The following SMC5 variants were observed in gnomAD, a reference collection of about 807,000 sequenced individuals.
SMC5 encodes structural maintenance of chromosomes protein 5.
Under a neutral mutation model 148.3 loss-of-function variants are expected in SMC5, and 88 were observed. The observed-to-expected ratio is 0.59, with a 90% CI of 0.50 to 0.71. The LOEUF is 0.71. Among genes scored for constraint, SMC5 ranks in the 30% least tolerant of loss-of-function variants. The pLI is 0.00. For missense variants in SMC5, 1,142 were observed against 1,298.9 expected (o/e 0.88, Z 1.86); for synonymous variants, 421 against 432.8 (o/e 0.97, Z 0.34).
At chr9:70,262,579 G>A (rs1390976407) in intron 1 of SMC5, among the ~76,000 whole-genome samples, 1 of 152,206 alleles carries the variant, frequency 6.6e-6, no homozygotes, top group Non-Finnish European at 1.5e-5. Flanking sequence ...GGTTTTGGAT[G>A]GGAAAGATGG....
At chr9:70,277,542 G>A (rs1384167208) in intron 4 of SMC5, 70 bp downstream of exon 4, 4 of 1,292,154 alleles carry the variant, frequency 3.1e-6, no homozygotes, top group Non-Finnish European at 4.2e-6. Flanking sequence ...CCGTTGAAGG[G>A]ATATCATAAT....
chr9:70,322,399 A>G (rs1197657044), intron 15 of SMC5, among the ~76,000 whole-genome samples: 1 of 152,154 alleles, frequency 6.6e-6, no homozygotes, highest in African/African-American at 2.4e-5. Context: ...CTAGCCTACT[A>G]TCTCCTACTT....
At chr9:70,314,037 G>A (rs2035729811) in intron 11 of SMC5, among the ~76,000 whole-genome samples, 1 of 152,112 alleles carries the variant, frequency 6.6e-6, no homozygotes. Context: ...GAATTTTCCT[G>A]TGCACTCATA....
chr9:70,299,097 G>A (rs188444081), intron 9 of SMC5, among the ~76,000 whole-genome samples: 2 of 151,510 alleles, frequency 1.3e-5, no homozygotes, highest in East Asian at 1.9e-4. Flanking sequence ...GTACTCCCTC[G>A]CACCCTTGCT....
At chr9:70,264,518 C>A (rs1280616722) in intron 2 of SMC5, 73 bp downstream of exon 2, 3 of 1,501,226 alleles carry the variant, frequency 2.0e-6, no homozygotes, top group African/African-American at 2.8e-5. Context: ...ATTTCTACAC[C>A]TCAGTTCCTT....
chr9:70,282,026 C>T (rs1450927540), intron 6 of SMC5, among the ~76,000 whole-genome samples: 2 of 149,002 alleles, frequency 1.3e-5, no homozygotes, highest in African/African-American at 4.9e-5. Context: ...TTCTTTTGAC[C>T]CATTTTCATT....
intron 17 of SMC5, among the ~76,000 whole-genome samples, chr9:70,342,224 G>C (rs4607677): frequency 0.87 from 113,473 of 131,086 alleles, 49,340 homozygotes; most frequent in Non-Finnish European, 0.91. Context: ...GAACATCACA[G>C]TCTGGGGACT....
chr9:70,291,824 G>A (rs2035067265), intron 8 of SMC5, among the ~76,000 whole-genome samples: 2 of 151,760 alleles, frequency 1.3e-5, no homozygotes, highest in Non-Finnish European at 1.5e-5. Context: ...GGATTTATTA[G>A]GTTGGTGCAA....
intron 8 of SMC5, among the ~76,000 whole-genome samples, chr9:70,288,888 C>T (rs1238411537): frequency 6.6e-6 from 1 of 151,930 alleles, no homozygotes; most frequent in Non-Finnish European, 1.5e-5. Flanking sequence ...ACCTATTCTT[C>T]ATGTATTTGA....
chr9:70,259,253 G>T lies in SMC5; in HGVS notation c.175G>T (p.Glu59Ter). The T allele has an allele frequency of 6.3e-7, 1 of 1,587,128 alleles. No homozygotes were observed. The highest frequency in any genetic ancestry group is 2.3e-5 in the East Asian group (1 of 43,538). ...AGGCTCTATCGTCCGCATCTCGATG[G>T]AGAACTTCCTGTAAGTTGCCCGGAG... ...VEGSIVRISM[E>*]NFLTYDICEV... The change falls in exon 1 of 25, where the codon GAG becomes TAG. Residue 59 changes from glutamate (E) to a stop codon, truncating the protein, a stop_gained. Transcript: ENST00000361138. LOFTEE classifies it high-confidence loss of function.
intron 17 of SMC5, among the ~76,000 whole-genome samples, chr9:70,337,001 C>G (rs2036374702): frequency 6.6e-6 from 1 of 152,092 alleles, no homozygotes; most frequent in Non-Finnish European, 1.5e-5. Flanking sequence ...AAAGAGAAAG[C>G]TTGTACAGGG....
At chr9:70,273,190 T>C (rs77660792) in intron 3 of SMC5, among the ~76,000 whole-genome samples, 1 of 91,932 alleles carries the variant, frequency 1.1e-5, no homozygotes, top group Non-Finnish European at 2.3e-5. Flanking sequence ...ATCATCTGGC[T>C]TTTTTTTTTT....
chr9:70,271,372 C>A (rs1380670524), intron 3 of SMC5, among the ~76,000 whole-genome samples: 3 of 152,104 alleles, frequency 2.0e-5, no homozygotes, highest in Admixed American at 6.5e-5. Context: ...GTTCACATGG[C>A]CTTGAGAGTA....
In SMC5 at chr9:70,353,580, T is replaced by G. The variant is rs1040158408; in HGVS notation, c.*1249T>G. The G allele has an allele frequency of 6.6e-6, 1 of 152,142 alleles. No individual in the cohort carries two copies. The highest frequency in any genetic ancestry group is 1.5e-5 in the Non-Finnish European group (1 of 68,020). 9.4% of individuals were successfully genotyped at this position (152,142 alleles called of 1,614,324 possible). On this transcript the variant is annotated 3_prime_UTR_variant, in exon 25 of 25. Coordinates refer to ENST00000361138, the MANE Select transcript of SMC5 (RefSeq NM_015110.4). ...AATAAATTGAAGAATTGCTTTCAGTTTGGGTTTTGTATATTCTTAAGTAGC... is the reference window on the plus strand; with the variant it reads ...AATAAATTGAAGAATTGCTTTCAGTGTGGGTTTTGTATATTCTTAAGTAGC...
intron 1 of SMC5, among the ~76,000 whole-genome samples, chr9:70,261,016 G>C (rs1405997825): frequency 2.0e-5 from 3 of 152,198 alleles, no homozygotes; most frequent in East Asian, 1.9e-4. Context: ...TGGGATTACA[G>C]ACATGAGCCA....
At chr9:70,291,184 G>A (rs1455995575) in intron 8 of SMC5, among the ~76,000 whole-genome samples, 2 of 152,070 alleles carry the variant, frequency 1.3e-5, no homozygotes, top group Non-Finnish European at 2.9e-5. Flanking sequence ...TCACTACTAG[G>A]TTAGTTTAGT....
At chr9:70,346,165 G>A (rs966728945) in intron 18 of SMC5, among the ~76,000 whole-genome samples, 1 of 152,196 alleles carries the variant, frequency 6.6e-6, no homozygotes, top group Non-Finnish European at 1.5e-5. Flanking sequence ...TTAGAGTCAA[G>A]TGAGGATATC....
At chr9:70,290,693 C>G (rs2035033221) in intron 8 of SMC5, among the ~76,000 whole-genome samples, 1 of 151,932 alleles carries the variant, frequency 6.6e-6, no homozygotes, top group African/African-American at 2.4e-5. Context: ...TCTTTTAGTT[C>G]ATTGAACATA....
chr9:70,313,743 G>A (rs963766244), intron 11 of SMC5, among the ~76,000 whole-genome samples: 2 of 151,978 alleles, frequency 1.3e-5, no homozygotes, highest in African/African-American at 2.4e-5. Context: ...CAGTTGATCC[G>A]CCCGTCTCGG....
Sources: gnomAD v4.1 joint callset for allele counts (sites outside exome capture counted in the v4.1 genomes callset) on GRCh38, gnomAD v4.1.1 for gene constraint, MANE v1.5 for transcripts, NCBI Gene and HGNC (gene_info 2026-07-23, HGNC 2026-07-21) for gene names.